NAA25: variants seen among roughly 807,000 people sequenced by gnomAD.
NAA25 encodes the protein N-terminal acetyltransferase B complex subunit NAA25.
Under a neutral mutation model 132.5 loss-of-function variants are expected in NAA25, and 30 were observed. The observed-to-expected ratio is 0.23, with a 90% confidence interval of 0.17 to 0.31. NAA25 has a LOEUF of 0.31. NAA25 is among the 10% of genes least tolerant of loss of function. The pLI is 1.00. For synonymous variants in NAA25, 359 were observed against 401.9 expected (o/e 0.89, Z 1.28); for missense variants, 771 against 1,150.4 (o/e 0.67, Z 4.77).
intron 1 of NAA25, 39 bp from the exon 2 acceptor site, chr12:112,093,175 T>C (rs1402883966): frequency 8.3e-7 from 1 of 1,199,756 alleles, no homozygotes; most frequent in African/African-American, 1.5e-5. Context: ...ATTATATTCC[T>C]TCAATAACAA....
intron 1 of NAA25, among the ~76,000 whole-genome samples, chr12:112,107,398 T>G (rs1332257398): frequency 6.6e-6 from 1 of 151,964 alleles, no homozygotes; most frequent in South Asian, 2.1e-4. Flanking sequence ...TTTTTGTTGT[T>G]GTTGTTGTTA....
chr12:112,070,227 T>G (rs984852947), intron 10 of NAA25, among the ~76,000 whole-genome samples: 2 of 152,184 alleles, frequency 1.3e-5, no homozygotes, highest in African/African-American at 4.8e-5. Flanking sequence ...TCCAGCAAAA[T>G]TGTGAACTAG....
intron 14 of NAA25, 129 bp from the exon 15 acceptor site, chr12:112,053,786 T>TC (rs1294009493): frequency 5.4e-6 from 2 of 367,604 alleles, no homozygotes; most frequent in Admixed American, 8.9e-5. Context: ...TAAAACATAC[T>TC]CCCACAGAAA....
At chr12:112,105,405 A>C (rs1389665096) in intron 1 of NAA25, among the ~76,000 whole-genome samples, 1 of 152,234 alleles carries the variant, frequency 6.6e-6, no homozygotes, top group African/African-American at 2.4e-5. Context: ...TTTTAGCAAA[A>C]GGAGACCAAA....
rs2078335413 is a variant in NAA25 at position 112,043,823 on chromosome 12, G to C, written c.2052C>G (p.Thr684=). The change falls in exon 18 of 24, where the codon ACC becomes ACG. Residue 684 remains threonine (T), a synonymous_variant. Coordinates refer to ENST00000261745, the MANE Select transcript of NAA25 (RefSeq NM_024953.4). The stretch of plus-strand genomic sequence containing the variant: ...TTAAGGATCGGATTCTTAACCACAA[G>C]GTCTCCTCCTCTAAGGAAAGTTTCT... ...EHKKLSLEEE[T]LWLRIRSLTL... is the part of the protein sequence containing the mutation. The C allele has an allele frequency of 6.2e-7, 1 of 1,613,952 alleles. No individual in the cohort carries two copies. The highest frequency in any genetic ancestry group is 1.7e-5 in the Admixed American group (1 of 60,004).
chr12:112,086,778 G>C (rs550528788), intron 4 of NAA25, among the ~76,000 whole-genome samples: 1 of 151,942 alleles, frequency 6.6e-6, no homozygotes, highest in Admixed American at 6.6e-5. Flanking sequence ...TTGAGAGGCC[G>C]AGGCGGGCAG....
chr12:112,043,434 C>T lies in NAA25; in HGVS notation c.2250+191G>A, dbSNP rs991974707. On this transcript the variant is annotated intron_variant, in intron 18 of 23. Coordinates refer to ENST00000261745, the MANE Select transcript of NAA25 (RefSeq NM_024953.4). ...ACCACAAAAAGTTATTTTGCTTTCT[C>T]CCTCACTAGTCTGGATATTGAGGAA... Among the ~76,000 whole-genome samples, 3 of 152,304 alleles carry T rather than the reference C, an allele frequency of 2.0e-5. No homozygotes were observed. In the South Asian group the frequency reaches 6.2e-4, roughly 32 times the overall value.
In NAA25 at chr12:112,029,137, C is replaced by T. The variant is rs1479952563; in HGVS notation, c.*394G>A. ...GCTCAAGGACCAGACCAAAAACTCTCAATGTTATTTATAATGGAAGGGCTA... is the reference window on the plus strand; with the variant it reads ...GCTCAAGGACCAGACCAAAAACTCTTAATGTTATTTATAATGGAAGGGCTA... On this transcript the variant is annotated 3_prime_UTR_variant, in exon 24 of 24. Coordinates refer to ENST00000261745, the MANE Select transcript of NAA25 (RefSeq NM_024953.4). The T allele has an allele frequency of 5.9e-6, 1 of 169,170 alleles. No homozygotes were observed. Among genetic ancestry groups the T allele is most frequent in the African/African-American group, 2.4e-5 (1 of 41,718 alleles). 10.5% of individuals were successfully genotyped at this position (169,170 alleles called of 1,614,324 possible).
chr12:112,097,081 G>A (rs1593836899), intron 1 of NAA25, among the ~76,000 whole-genome samples: 1 of 152,130 alleles, frequency 6.6e-6, no homozygotes, highest in East Asian at 1.9e-4. Context: ...ACCATGTCTA[G>A]ACCATGTAAC....
In NAA25 at chr12:112,033,298, G is replaced by A; in HGVS notation, c.2731C>T (p.Leu911Phe). ...TTAAGTGCAATTAGATGTGTTTCAA[G>A]CCCTTTAATATGATCCACAACATTG... ...ISNVVDHIKG[L>F]ETHLIALKLE... The change falls in exon 23 of 24, where the codon CTT (leucine) becomes TTT (phenylalanine). Residue 911 changes from leucine (L) to phenylalanine (F), a missense_variant. Leu to Phe is a conservative substitution (Grantham distance 22, BLOSUM62 0). Coordinates refer to ENST00000261745, the MANE Select transcript of NAA25 (RefSeq NM_024953.4). 9 of 1,613,250 alleles carry A rather than the reference G, an allele frequency of 5.6e-6. No individual in the cohort carries two copies. The highest frequency in any genetic ancestry group is 1.7e-4 in the Middle Eastern group (1 of 6,056).
At chr12:112,099,565 A>C (rs1488484670) in intron 1 of NAA25, among the ~76,000 whole-genome samples, 1 of 152,192 alleles carries the variant, frequency 6.6e-6, no homozygotes, top group Non-Finnish European at 1.5e-5. Flanking sequence ...ATTTGGGAAG[A>C]ACTGGGATAA....
At chr12:112,070,352 C>T (rs774991904) in intron 10 of NAA25, among the ~76,000 whole-genome samples, 2 of 152,048 alleles carry the variant, frequency 1.3e-5, no homozygotes, top group African/African-American at 4.8e-5. Flanking sequence ...CTTTACTATC[C>T]ACATCATTCT....
Position 112,050,514 on chromosome 12 carries a change from CT to C in NAA25, c.1729-2072del, listed in dbSNP as rs751821445. Among the ~76,000 whole-genome samples, 1,086 of 143,174 alleles carry C rather than the reference CT, an allele frequency of 7.6e-3. 10 individuals carry two copies. Among genetic ancestry groups the C allele is most frequent in the African/African-American group, 0.022 (848 of 39,418 alleles). The allele number at this position is 143,174 out of a possible 152,430, so 93.9% of individuals were successfully genotyped here. A position where few individuals can be genotyped will look rare whatever the true frequency, so the allele number is the denominator to read the frequency against. ...TAGAGATTATATTTTCTTTTATTTA[CT>C]TTTTTTTTTTTTTGAGACAGAGTCT... On this transcript the variant is annotated intron_variant, in intron 15 of 23. Transcript: ENST00000261745.
chr12:112,078,541 A>T, intron 6 of NAA25, 93 bp downstream of exon 6: 1 of 1,184,160 alleles, frequency 8.4e-7, no homozygotes, highest in Non-Finnish European at 1.2e-6. Context: ...CAGCTATCAA[A>T]CTGGAACAAA....
In NAA25 at chr12:112,033,278, T is replaced by C; in HGVS notation, c.2751A>G (p.Ala917=). 1 of 1,610,996 alleles carries C rather than the reference T, an allele frequency of 6.2e-7. No homozygotes were observed. ...CTAAAATAAGTTCTTCAAGTTTAAG[T>C]GCAATTAGATGTGTTTCAAGCCCTT... The part of the protein sequence containing the change: ...HIKGLETHLI[A]LKLEELILED... Residue 917 remains alanine, a synonymous_variant, in exon 23 of 24, where the codon GCA becomes GCG. Coordinates refer to ENST00000261745, the MANE Select transcript of NAA25 (RefSeq NM_024953.4).
At chr12:112,093,483 GT>G (rs2079167399) in intron 1 of NAA25, among the ~76,000 whole-genome samples, 1 of 152,136 alleles carries the variant, frequency 6.6e-6, no homozygotes, top group African/African-American at 2.4e-5. Context: ...AGAGGTTGCA[GT>G]GACCTGAGAT....
Position 112,048,333 on chromosome 12 carries a change from A to G in NAA25, c.1839T>C (p.Arg613=). The G allele has an allele frequency of 6.2e-7, 1 of 1,614,152 alleles. No individual in the cohort carries two copies. Among genetic ancestry groups the G allele is most frequent in the Middle Eastern group, 1.6e-4 (1 of 6,062 alleles). ...LNNSLHFAQV[R]TERMLLDLLL... ...GAAGGTCTAACAGCATCCGTTCAGTACGGACTTGTGCAAAATGAAGAGAAT... is the reference window on the plus strand; with the variant it reads ...GAAGGTCTAACAGCATCCGTTCAGTGCGGACTTGTGCAAAATGAAGAGAAT... Residue 613 remains arginine (R), a synonymous_variant, in exon 16 of 24, where the codon CGT becomes CGC. Coordinates refer to ENST00000261745, the MANE Select transcript of NAA25 (RefSeq NM_024953.4).
intron 10 of NAA25, 54 bp downstream of exon 10, chr12:112,071,840 AG>A: frequency 8.8e-7 from 1 of 1,133,958 alleles, no homozygotes; most frequent in Non-Finnish European, 1.1e-6. Context: ...TAATGAATAT[AG>A]CACTTGGGTA....
intron 1 of NAA25, among the ~76,000 whole-genome samples, chr12:112,107,820 G>T (rs1039893846): frequency 6.6e-6 from 1 of 152,138 alleles, no homozygotes; most frequent in Non-Finnish European, 1.5e-5. Flanking sequence ...AATGCAAAAA[G>T]GACCAATCCA....
Sources: allele counts gnomAD v4.1 joint callset (sites outside exome capture counted in the v4.1 genomes callset), GRCh38; gene constraint gnomAD v4.1.1; transcripts MANE v1.5; gene names NCBI Gene and HGNC (gene_info 2026-07-23, HGNC 2026-07-21).